Variants in ZNF479 observed in about 807,000 individuals in gnomAD.
ZNF479 encodes the protein zinc finger protein 479.
In ZNF479, 15 loss-of-function variants were observed where a neutral mutation model predicts 14.7. The ratio of observed to expected loss-of-function variants is 1.02; its 90% CI spans 0.68 to 1.57. The LOEUF (loss-of-function observed/expected upper bound fraction) is 1.57, where lower values mean the gene tolerates loss of function less well. Among genes scored for constraint, ZNF479 ranks in the 40% most tolerant of loss-of-function variants. The probability of loss-of-function intolerance (pLI) is 0.00; values close to 1 mark genes in which losing one functional copy is unlikely to be tolerated. For missense variants in ZNF479, 506 were observed against 615.1 expected (o/e 0.82, Z 1.88); for synonymous variants, 145 against 211.5 (o/e 0.69, Z 2.73).
chr7:57,134,579 G>A (rs1786561799), upstream of ZNF479, among the ~76,000 whole-genome samples: 1 of 151,704 alleles, frequency 6.6e-6, no homozygotes, highest in South Asian at 2.1e-4. Context: ...TCTGCCTAGA[G>A]AGTAGCTATT....
chr7:57,139,365 G>C (rs944290981), intron 1 of ZNF479, among the ~76,000 whole-genome samples: 2 of 152,212 alleles, frequency 1.3e-5, no homozygotes, highest in African/African-American at 2.4e-5. Flanking sequence ...CTGGGACACT[G>C]TAAGTGGGGT....
chr7:57,120,825 A>T lies in ZNF479; in HGVS notation c.590T>A (p.Leu197His). 6.2e-7 allele frequency: 1 copy of T among 1,613,354 alleles called. No individual in the cohort carries two copies. Among genetic ancestry groups the T allele is most frequent in the Non-Finnish European group, 8.5e-7 (1 of 1,179,584 alleles). ...TACCTGATGTTGATTTAGGTGTGAA[A>T]GCATGCAAAATGATTTGCCATATTT... is the stretch of plus-strand genomic sequence containing the variant. ...CNKYGKSFCMLSHLNQHQVIH... is the reference protein window; with the variant it reads ...CNKYGKSFCMHSHLNQHQVIH... The change falls in exon 4 of 4, where the codon CTT (leucine) becomes CAT (histidine). Residue 197 changes from leucine to histidine, a missense_variant. Physicochemically the swap from Leu to His is moderately conservative, Grantham distance 99. Transcript: ENST00000319636.
chr7:57,132,143 C>T (rs150561794), intron 1 of ZNF479, 143 bp downstream of exon 1: 171 of 1,469,612 alleles, frequency 1.2e-4, no homozygotes, highest in Non-Finnish European at 1.5e-4. Context: ...CTGGAGGGGA[C>T]GAGAGCCGAG....
Position 57,119,919 on chromosome 7 carries a change from T to C in ZNF479, c.1496A>G (p.Glu499Gly), listed in dbSNP as rs532205225. ...GEKPYKCEEC[E>G]QAFKWHSSLA... ...ACTTGAATGCCACTTAAAAGCTTGC[T>C]CACATTCTTCACATTTGTAGGGTTT... The change falls in exon 4 of 4, where the codon GAG becomes GGG. Residue 499 changes from glutamate (E) to glycine (G), a missense_variant. By Grantham distance (98) the Glu-to-Gly change is moderately conservative. This residue lies in a region of ZNF479 where 72 missense variants were observed against 97.6 expected (regional missense o/e 0.74). Coordinates refer to ENST00000319636, the MANE Select transcript of ZNF479 (RefSeq NM_001370129.2). The C allele has an allele frequency of 2.2e-5, 36 of 1,613,672 alleles. No individual in the cohort carries two copies. Among genetic ancestry groups the C allele is most frequent in the Admixed American group, 8.3e-5 (5 of 59,934 alleles).
chr7:57,128,732 T>G (rs1248979365), intron 1 of ZNF479, among the ~76,000 whole-genome samples: 1 of 152,164 alleles, frequency 6.6e-6, no homozygotes, highest in Non-Finnish European at 1.5e-5. Context: ...CAAAAAATAG[T>G]TGAAACAAAC....
upstream of ZNF479, among the ~76,000 whole-genome samples, chr7:57,133,447 C>G (rs1786520018): frequency 6.6e-6 from 1 of 151,996 alleles, no homozygotes; most frequent in Non-Finnish European, 1.5e-5. Context: ...TTGTTTGTAG[C>G]AGTGTGAAAA....
chr7:57,127,253 C>A (rs1025679769), intron 1 of ZNF479, among the ~76,000 whole-genome samples: 1 of 152,108 alleles, frequency 6.6e-6, no homozygotes, highest in South Asian at 2.1e-4. Context: ...GCACTCCTCA[C>A]CTCAGGTGAT....
rs139413377 is a variant in ZNF479 at position 57,138,571 on chromosome 7, A to T, written c.-15+1037T>A. On this transcript the variant is annotated intron_variant, in intron 1 of 4. Transcript: ENST00000331162. ...GACTCAGCCTACAGGCGCAGCGATGACTCTTATACCCGGACCCAGCCAGTA... is the reference window on the plus strand; with the variant it reads ...GACTCAGCCTACAGGCGCAGCGATGTCTCTTATACCCGGACCCAGCCAGTA... 9.4e-4 allele frequency among the ~76,000 whole-genome samples: 143 copies of T among 152,200 alleles called. 1 individual carries two copies. The highest frequency in any genetic ancestry group is 3.2e-3 in the African/African-American group (132 of 41,522).
chr7:57,131,266 G>GT (rs946641023), intron 1 of ZNF479, among the ~76,000 whole-genome samples: 7 of 151,434 alleles, frequency 4.6e-5, no homozygotes, highest in East Asian at 1.9e-4. Flanking sequence ...AAAATAAAAG[G>GT]TAAAAAAAAA....
At chr7:57,138,582 C>T (rs1014436581) in intron 1 of ZNF479, among the ~76,000 whole-genome samples, 2 of 152,076 alleles carry the variant, frequency 1.3e-5, no homozygotes, top group African/African-American at 2.4e-5. Context: ...CTCTTATACC[C>T]GGACCCAGCC....
chr7:57,134,581 G>A (rs1243158309), upstream of ZNF479, among the ~76,000 whole-genome samples: 1 of 151,076 alleles, frequency 6.6e-6, no homozygotes, highest in Non-Finnish European at 1.5e-5. Flanking sequence ...TGCCTAGAGA[G>A]TAGCTATTCT....
upstream of ZNF479, among the ~76,000 whole-genome samples, chr7:57,137,018 A>C (rs535167092): frequency 1.9e-4 from 29 of 152,350 alleles, no homozygotes; most frequent in South Asian, 5.2e-3. Context: ...GTCTCAAAAA[A>C]AAGAAAGGCT....
intron 3 of ZNF479, among the ~76,000 whole-genome samples, chr7:57,124,396 T>A (rs528253931): frequency 6.6e-6 from 1 of 152,356 alleles, no homozygotes; most frequent in South Asian, 2.1e-4. Context: ...CAGCTAATGT[T>A]GAAAACTGGA....
chr7:57,127,163 C>A (rs1388930973), intron 1 of ZNF479, among the ~76,000 whole-genome samples: 5 of 151,820 alleles, frequency 3.3e-5, no homozygotes, highest in African/African-American at 4.8e-5. Flanking sequence ...GCTGGGACTA[C>A]AGGCATGAGC....
chr7:57,125,291 G>T lies in ZNF479; in HGVS notation c.262+727C>A, dbSNP rs535276673. On this transcript the variant is annotated intron_variant, in intron 3 of 3. Coordinates refer to ENST00000319636, the MANE Select transcript of ZNF479 (RefSeq NM_001370129.2). The stretch of plus-strand genomic sequence containing the variant: ...ATGATGTAAAGAAATTGAAACCTAT[G>T]TAAGTTGTTTTTTATGAGAAAAAAG... Among the ~76,000 whole-genome samples, 32 of 152,078 alleles carry T rather than the reference G, an allele frequency of 2.1e-4. No individual in the cohort carries two copies. The East Asian group carries it at 6.0e-3, about 28-fold the overall frequency.
chr7:57,128,276 G>A (rs1447709424), intron 1 of ZNF479, among the ~76,000 whole-genome samples: 2 of 152,134 alleles, frequency 1.3e-5, no homozygotes, highest in East Asian at 3.9e-4. Context: ...TTTATGCAAA[G>A]TTGAAGGTGC....
In ZNF479 at chr7:57,120,794, A is replaced by G; in HGVS notation, c.621T>C (p.His207=). 1 of 1,612,366 alleles carries G rather than the reference A, an allele frequency of 6.2e-7. No homozygotes were observed. Among genetic ancestry groups the G allele is most frequent in the Non-Finnish European group, 8.5e-7 (1 of 1,179,030 alleles). ...LSHLNQHQVI[H]TREKSYKCKE... is the part of the protein sequence containing the mutation. Reference sequence around the variant, plus strand: ...TGCATTTGTAGGACTTCTCCCTAGTATGAATTACCTGATGTTGATTTAGGT... The same window carrying G: ...TGCATTTGTAGGACTTCTCCCTAGTGTGAATTACCTGATGTTGATTTAGGT... Residue 207 remains histidine, a synonymous_variant, in exon 4 of 4, where the codon CAT becomes CAC. Transcript: ENST00000319636.
chr7:57,135,780 A>G (rs558173448), upstream of ZNF479, among the ~76,000 whole-genome samples: 46 of 152,306 alleles, frequency 3.0e-4, no homozygotes, highest in African/African-American at 1.1e-3. Flanking sequence ...AGGTGAGTAC[A>G]GAATCATGGA....
chr7:57,128,491 T>G (rs1260601152), intron 1 of ZNF479, among the ~76,000 whole-genome samples: 1 of 152,214 alleles, frequency 6.6e-6, no homozygotes, highest in Non-Finnish European at 1.5e-5. Context: ...ATGTTTCACT[T>G]TTCACTAATC....
Sources: gnomAD v4.1 joint callset for allele counts (sites outside exome capture counted in the v4.1 genomes callset) on GRCh38, gnomAD v4.1.1 for gene constraint, gnomAD v4.1.1 regional missense constraint, MANE v1.5 for transcripts, NCBI Gene and HGNC (gene_info 2026-07-23, HGNC 2026-07-21) for gene names.